The following PLXNA4 variants were observed in gnomAD, a reference collection of about 807,000 sequenced individuals.
PLXNA4 encodes plexin-A4.
PLXNA4 carries 44 observed loss-of-function variants against 191.8 expected under a neutral mutation model. The observed-to-expected ratio is 0.23, with a 90% CI of 0.18 to 0.29. PLXNA4 has a LOEUF of 0.29. Ranked by LOEUF, PLXNA4 falls within the 10% of genes least tolerant of loss-of-function variation. The pLI is 1.00. For missense variants in PLXNA4, 1,800 were observed against 2,488.8 expected, an observed-to-expected ratio of 0.72 and a Z score of 5.89; for synonymous variants, 1,082 against 1,009.5, an observed-to-expected ratio of 1.07 and a Z score of -1.36.
At chr7:132,500,311 C>T (rs552500877) in intron 2 of PLXNA4, among the ~76,000 whole-genome samples, 5 of 152,158 alleles carry the variant, frequency 3.3e-5, no homozygotes, top group African/African-American at 7.2e-5. Context: ...GTCGTGGTGG[C>T]GCATGCCTGT....
chr7:132,482,299 C>T (rs1429469380), intron 3 of PLXNA4, among the ~76,000 whole-genome samples: 1 of 152,178 alleles, frequency 6.6e-6, no homozygotes, highest in Non-Finnish European at 1.5e-5. Context: ...CTCTTTCTCG[C>T]CCCCATCTCT....
At chr7:132,438,786 T>C (rs1192394362) in intron 3 of PLXNA4, among the ~76,000 whole-genome samples, 2 of 152,210 alleles carry the variant, frequency 1.3e-5, no homozygotes, top group Non-Finnish European at 1.5e-5. Flanking sequence ...CTGTTCTTGG[T>C]CTAATAGCTT....
chr7:132,243,407 T>C (rs143247163), intron 4 of PLXNA4, among the ~76,000 whole-genome samples: 1 of 152,336 alleles, frequency 6.6e-6, no homozygotes, highest in East Asian at 1.9e-4. Context: ...CCACCTTGGA[T>C]GGAATGTGGC....
chr7:132,470,574 A>G (rs942838624), intron 3 of PLXNA4, among the ~76,000 whole-genome samples: 1 of 152,204 alleles, frequency 6.6e-6, no homozygotes, highest in Non-Finnish European at 1.5e-5. Flanking sequence ...ACATGGCAAA[A>G]GGGACTTGGA....
At chr7:132,300,270 G>C (rs1237235312) in intron 3 of PLXNA4, among the ~76,000 whole-genome samples, 2 of 152,084 alleles carry the variant, frequency 1.3e-5, no homozygotes, top group African/African-American at 4.8e-5. Context: ...AGTTACATGA[G>C]AGTCCTTGCT....
chr7:132,573,105 G>C (rs1802054374), intron 1 of PLXNA4, among the ~76,000 whole-genome samples: 1 of 151,830 alleles, frequency 6.6e-6, no homozygotes, highest in Non-Finnish European at 1.5e-5. Flanking sequence ...GGGGGTTGGA[G>C]GAAAAGGAAG....
At chr7:132,567,807 A>G (rs1055217587) in intron 1 of PLXNA4, among the ~76,000 whole-genome samples, 2 of 152,194 alleles carry the variant, frequency 1.3e-5, no homozygotes, top group African/African-American at 4.8e-5. Flanking sequence ...ATTAAAAAGC[A>G]TGAATTGAGT....
intron 12 of PLXNA4, among the ~76,000 whole-genome samples, chr7:132,199,255 CA>C (rs1421285445): frequency 5.3e-5 from 8 of 152,318 alleles, no homozygotes; most frequent in African/African-American, 1.9e-4. Flanking sequence ...TTTCAGTAAC[CA>C]TCTTTATGTC....
chr7:132,413,216 G>A (rs1049891353), intron 3 of PLXNA4, among the ~76,000 whole-genome samples: 4 of 152,220 alleles, frequency 2.6e-5, no homozygotes, highest in Admixed American at 6.5e-5. Context: ...GTCTGCCTCC[G>A]GACTCGCTGC....
At position 132,164,184 on chromosome 7, in the gene PLXNA4, G is replaced by A. The variant is rs557551688; in HGVS notation, c.4458C>T (p.Ser1486=). 282 of 1,614,212 alleles carry A rather than the reference G, an allele frequency of 1.7e-4. 3 individuals carry two copies. In the South Asian group the frequency reaches 2.2e-3, roughly 13 times the overall value. ...AITGEARYSL[S]EDKLIRQQID... Reference sequence around the variant, plus strand: ...TCTGCTGGCGGATGAGCTTGTCCTCGCTCAAGGAGTAGCGGGCCTCGCCCG... The same window carrying A: ...TCTGCTGGCGGATGAGCTTGTCCTCACTCAAGGAGTAGCGGGCCTCGCCCG... The change falls in exon 24 of 32, where the codon AGC becomes AGT. Residue 1486 remains serine, a synonymous_variant. Transcript: ENST00000321063.
intron 13 of PLXNA4, among the ~76,000 whole-genome samples, chr7:132,196,195 C>T (rs1015094502): frequency 3.3e-5 from 5 of 152,150 alleles, no homozygotes; most frequent in African/African-American, 1.2e-4. Flanking sequence ...TTACATTCAC[C>T]CAGTAAGTAA....
intron 1 of PLXNA4, among the ~76,000 whole-genome samples, chr7:132,529,458 G>A (rs1041447793): frequency 2.0e-5 from 3 of 152,146 alleles, no homozygotes; most frequent in African/African-American, 7.2e-5. Flanking sequence ...TGAAGGCTGT[G>A]TTGAAAATCT....
intron 2 of PLXNA4, among the ~76,000 whole-genome samples, chr7:132,636,663 G>C (rs10273006): frequency 9.4e-4 from 143 of 151,980 alleles, no homozygotes; most frequent in African/African-American, 3.4e-3. Context: ...GTAAAGCCTT[G>C]GAAGGTCAGA....
intron 4 of PLXNA4, among the ~76,000 whole-genome samples, chr7:132,248,208 G>GGCCCCAAAT (rs1799127287): frequency 6.6e-6 from 1 of 152,132 alleles, no homozygotes; most frequent in South Asian, 2.1e-4. Context: ...CTTCAGCCTG[G>GGCCCCAAAT]GCCCCAAATG....
intron 4 of PLXNA4, among the ~76,000 whole-genome samples, chr7:132,248,976 C>G (rs1337430010): frequency 3.3e-5 from 5 of 152,200 alleles, no homozygotes; most frequent in Non-Finnish European, 7.3e-5. Context: ...CACTTGACGG[C>G]AGACAGAGGC....
intron 6 of PLXNA4, 65 bp downstream of exon 6, chr7:132,228,281 C>T (rs950608646): frequency 1.4e-5 from 23 of 1,604,068 alleles, no homozygotes; most frequent in Non-Finnish European, 1.6e-5. Context: ...GGCTAAGGCA[C>T]TTTTTAGTGA....
intron 3 of PLXNA4, among the ~76,000 whole-genome samples, chr7:132,487,449 G>A (rs76718774): frequency 6.6e-6 from 1 of 152,198 alleles, no homozygotes; most frequent in African/African-American, 2.4e-5. Context: ...ATTGTACACA[G>A]TAATGCCCCC....
In PLXNA4 at chr7:132,188,307, G is replaced by A. The variant is rs1338981069; in HGVS notation, c.2857-700C>T. Among the ~76,000 whole-genome samples the A allele has an allele frequency of 2.0e-5, 3 of 152,316 alleles. No individual in the cohort carries two copies. In the East Asian group the frequency reaches 5.8e-4, roughly 29 times the overall value. ...GCAGAAAAAAGCTCTTGACAGCTGG[G>A]GATTTGGAGTTGCAGTTTGTTCTTT... On this transcript the variant is annotated intron_variant, in intron 14 of 31. Transcript: ENST00000321063.
intron 3 of PLXNA4, among the ~76,000 whole-genome samples, chr7:132,363,717 C>T (rs754686619): frequency 2.6e-5 from 4 of 152,312 alleles, no homozygotes; most frequent in African/African-American, 9.6e-5. Flanking sequence ...GAAGTGTAAC[C>T]GCTGGATCAT....
Sources: gnomAD v4.1 joint callset for allele counts (sites outside exome capture counted in the v4.1 genomes callset) on GRCh38, gnomAD v4.1.1 for gene constraint, MANE v1.5 for transcripts, NCBI Gene and HGNC (gene_info 2026-07-23, HGNC 2026-07-21) for gene names.